Variants in SCUBE1 observed in about 807,000 individuals in gnomAD.
SCUBE1 encodes the protein signal peptide, CUB and EGF-like domain-containing protein 1.
In SCUBE1, 59 loss-of-function variants were observed where a neutral mutation model predicts 124.4. The observed-to-expected ratio is 0.47, with a 90% confidence interval of 0.38 to 0.59. The LOEUF (loss-of-function observed/expected upper bound fraction) is 0.59. Ranked by LOEUF, SCUBE1 falls within the 20% of genes least tolerant of loss-of-function variation. The pLI, the probability that SCUBE1 is intolerant of heterozygous loss-of-function variation, is 0.00. For missense variants in SCUBE1, 1,150 were observed against 1,371.2 expected (o/e 0.84, Z 2.55); for synonymous variants, 545 against 550.9 (o/e 0.99, Z 0.15).
intron 2 of SCUBE1, among the ~76,000 whole-genome samples, chr22:43,322,814 T>G (rs1926602107): frequency 6.6e-6 from 1 of 152,226 alleles, no homozygotes; most frequent in African/African-American, 2.4e-5. Flanking sequence ...GGAAAAGGAC[T>G]TTTATTCTAT....
At chr22:43,222,961 T>C in intron 11 of SCUBE1, 136 bp downstream of exon 11, 2 of 1,267,394 alleles carry the variant, frequency 1.6e-6, no homozygotes. Flanking sequence ...ACAGCTGCCT[T>C]AGGGTCACTC....
At chr22:43,306,913 CTT>C (rs1052098373) in intron 3 of SCUBE1, among the ~76,000 whole-genome samples, 11 of 152,198 alleles carry the variant, frequency 7.2e-5, no homozygotes, top group Non-Finnish European at 1.3e-4. Flanking sequence ...GACAGGGAGA[CTT>C]TCCCAGCGCT....
In SCUBE1 at chr22:43,255,772, C is replaced by T. The variant is rs918896520; in HGVS notation, c.727+2447G>A. On this transcript the variant is annotated intron_variant, in intron 6 of 21. Coordinates refer to ENST00000360835, the MANE Select transcript of SCUBE1 (RefSeq NM_173050.5). The surrounding 1 kb of genome is among the most constrained non-coding windows in gnomAD (Gnocchi z 4.7). ...TGTTCAGGGCAAAGCAGAGAGGCAG[C>T]GAGGGCGGGGGCGGGGGGACGTGCA... Among the ~76,000 whole-genome samples, 4 of 151,422 alleles carry T rather than the reference C, an allele frequency of 2.6e-5. No individual in the cohort carries two copies. The highest frequency in any genetic ancestry group is 2.1e-4 in the South Asian group (1 of 4,766).
At chr22:43,219,114 G>A (rs2146665744) in intron 14 of SCUBE1, among the ~76,000 whole-genome samples, 1 of 152,324 alleles carries the variant, frequency 6.6e-6, no homozygotes, top group Non-Finnish European at 1.5e-5. Flanking sequence ...CAAACCTCAT[G>A]TTGAAATCTG....
At chr22:43,236,313 T>C (rs974544376) in intron 7 of SCUBE1, among the ~76,000 whole-genome samples, 12 of 152,196 alleles carry the variant, frequency 7.9e-5, no homozygotes, top group Non-Finnish European at 4.4e-5. Context: ...GGTGGTCCTG[T>C]GGGCAGTTCT....
intron 15 of SCUBE1, among the ~76,000 whole-genome samples, chr22:43,217,099 TC>T (rs1921858016): frequency 1.5e-5 from 1 of 68,730 alleles, no homozygotes. Flanking sequence ...ACCAACAGCT[TC>T]CCCCAACCCC....
Position 43,238,897 on chromosome 22 carries a change from C to A in SCUBE1, c.785G>T (p.Gly262Val), listed in dbSNP as rs1402239972. Residue 262 changes from glycine (G) to valine (V), a missense_variant, in exon 7 of 22, where the codon GGC (glycine) becomes GTC (valine). Gly to Val is a moderately radical substitution (Grantham distance 109). Transcript: ENST00000360835. The part of the protein sequence containing the change: ...CDRTCKDTAT[G>V]VRCSCPVGFT... ...TCCAACGGGGCAGCTGCATCGCACG[C>A]CAGTGGCTGTGTCCTTGCATGTCCG... The A allele has an allele frequency of 1.2e-6, 2 of 1,613,082 alleles. No homozygotes were observed. The highest frequency in any genetic ancestry group is 2.7e-5 in the African/African-American group (2 of 74,944).
chr22:43,317,680 G>T (rs774524364), intron 3 of SCUBE1, among the ~76,000 whole-genome samples: 31 of 152,230 alleles, frequency 2.0e-4, no homozygotes, highest in Non-Finnish European at 3.4e-4. Context: ...TGAGAGCCAC[G>T]TGTTTCCCAT....
chr22:43,271,846 G>A (rs1156848401), intron 4 of SCUBE1, among the ~76,000 whole-genome samples: 1 of 152,166 alleles, frequency 6.6e-6, no homozygotes, highest in African/African-American at 2.4e-5. Flanking sequence ...GCCCCACAGT[G>A]GGCTCTTTGC....
intron 3 of SCUBE1, among the ~76,000 whole-genome samples, chr22:43,294,849 C>T (rs1569018011): frequency 6.6e-6 from 1 of 152,170 alleles, no homozygotes; most frequent in African/African-American, 2.4e-5. Context: ...CAGAGGTGAG[C>T]GTTGAGGCTG....
rs529081482 is a variant in SCUBE1, at chr22:43,266,616, C to T, written c.485-3771G>A. 5.9e-5 allele frequency among the ~76,000 whole-genome samples: 9 copies of T among 152,306 alleles called. No homozygotes were observed. The East Asian group carries it at 1.7e-3, about 29-fold the overall frequency. ...CAATGTCCCAGCACATACAGCAGGG[C>T]TGGAAGCTGGGCCACTGGGCTCCCA... On this transcript the variant is annotated intron_variant, in intron 4 of 21. Coordinates refer to ENST00000360835, the MANE Select transcript of SCUBE1 (RefSeq NM_173050.5).
intron 19 of SCUBE1, 74 bp from the exon 20 acceptor site, chr22:43,208,298 C>G (rs1921385290): frequency 1.4e-6 from 2 of 1,425,412 alleles, no homozygotes; most frequent in Middle Eastern, 2.2e-4. Flanking sequence ...CGCCTCCCAT[C>G]CAGTCCACCA....
chr22:43,214,565 C>T (rs1279536050), intron 15 of SCUBE1, among the ~76,000 whole-genome samples: 1 of 152,250 alleles, frequency 6.6e-6, no homozygotes, highest in African/African-American at 2.4e-5. Context: ...GTCTGCTCCA[C>T]ACCCTGCCCT....
rs763057151 is a variant in SCUBE1, at chr22:43,208,181, G to A, written c.2625C>T (p.Tyr875=). The change falls in exon 20 of 22, where the codon TAC becomes TAT. Residue 875 remains tyrosine, a synonymous_variant. Coordinates refer to ENST00000360835, the MANE Select transcript of SCUBE1 (RefSeq NM_173050.5). ...SITTYETCQT[Y]ERPIAFTSRS... ...GGGAGGTGAAGGCGATGGGCCTCTC[G>A]TAGGTCTGGCAGGTCTCATAGGTGG... The A allele has an allele frequency of 7.2e-5, 117 of 1,614,084 alleles. No individual in the cohort carries two copies. In the East Asian group the frequency reaches 1.0e-3, roughly 14 times the overall value.
chr22:43,339,916 C>T, intron 1 of SCUBE1, among the ~76,000 whole-genome samples: 1 of 41,342 alleles, frequency 2.4e-5, no homozygotes, highest in Middle Eastern at 0.015. Flanking sequence ...CTCATTCTAC[C>T]CCCCCAACAA....
rs950994000 is a variant in SCUBE1, at chr22:43,210,058, C to T, written c.2566G>A (p.Val856Ile). 3.1e-5 allele frequency: 50 copies of T among 1,608,232 alleles called. No individual in the cohort carries two copies. Among genetic ancestry groups the T allele is most frequent in the Non-Finnish European group, 3.9e-5 (46 of 1,177,272 alleles). Residue 856 changes from valine to isoleucine, a missense_variant, in exon 19 of 22, where the codon GTC (valine) becomes ATC (isoleucine). Val to Ile is a conservative substitution (Grantham distance 29). This residue lies in a region of SCUBE1 where 757 missense variants were observed against 840.9 expected (regional missense o/e 0.90). Coordinates refer to ENST00000360835, the MANE Select transcript of SCUBE1 (RefSeq NM_173050.5). The surrounding 1 kb of genome is among the most constrained non-coding windows in gnomAD (Gnocchi z 4.5). ...CCCAACATACCACTCTTCCTCATGACCAGAACATCGCCGCACTCATCCTCG... is the reference window on the plus strand; with the variant it reads ...CCCAACATACCACTCTTCCTCATGATCAGAACATCGCCGCACTCATCCTCG... The part of the protein sequence containing the change: ...PIEDECGDVL[V>I]MRKSASPTSI...
rs778792675 is a variant in SCUBE1, at chr22:43,218,429, G to A, written c.1717C>T (p.Arg573Ter). The part of the protein sequence containing the change: ...DTCEADCLRK[R>*]AEQSLQAAIK... The stretch of plus-strand genomic sequence containing the variant: ...GCGGCCTGCAGGCTCTGTTCTGCTC[G>A]CTTCCGCAAGCAGTCCGCTTCGCAT... The change falls in exon 15 of 22, where the codon CGA becomes TGA. Residue 573 changes from arginine to a stop codon, truncating the protein, a stop_gained. Transcript: ENST00000360835. LOFTEE classifies it high-confidence loss of function. The A allele has an allele frequency of 2.5e-6, 4 of 1,612,594 alleles. No homozygotes were observed. The highest frequency in any genetic ancestry group is 2.5e-6 in the Non-Finnish European group (3 of 1,180,032).
intron 3 of SCUBE1, among the ~76,000 whole-genome samples, chr22:43,293,875 A>G (rs1025744406): frequency 2.0e-5 from 3 of 152,202 alleles, no homozygotes; most frequent in African/African-American, 7.2e-5. Flanking sequence ...CCCTGTCACG[A>G]GGAAGCTCCC....
At chr22:43,300,524 G>A (rs1179695770) in intron 3 of SCUBE1, among the ~76,000 whole-genome samples, 1 of 152,092 alleles carries the variant, frequency 6.6e-6, no homozygotes, top group East Asian at 1.9e-4. Flanking sequence ...CTCCAGGTGG[G>A]CGTGGCGTCT....
Sources: allele counts gnomAD v4.1 joint callset (sites outside exome capture counted in the v4.1 genomes callset), GRCh38; gene constraint gnomAD v4.1.1; regional missense constraint gnomAD v4.1.1; non-coding constraint Gnocchi (gnomAD v3.1); transcripts MANE v1.5; gene names NCBI Gene and HGNC (gene_info 2026-07-23, HGNC 2026-07-21).